Variants in KIRREL1 observed in about 807,000 individuals in gnomAD.
KIRREL1 encodes kin of IRRE-like protein 1.
KIRREL1 carries 25 observed loss-of-function variants against 83.3 expected under a neutral mutation model. That is an observed-to-expected ratio of 0.30 (90% CI 0.22 to 0.42). The LOEUF (loss-of-function observed/expected upper bound fraction) is 0.42. Among genes scored for constraint, KIRREL1 ranks in the 10% least tolerant of loss-of-function variants. KIRREL1 has a pLI of 1.00. For missense variants in KIRREL1, 812 were observed against 1,032.3 expected (o/e 0.79, Z 2.92); for synonymous variants, 388 against 410.4 (o/e 0.95, Z 0.66).
chr1:158,005,835 C>G (rs1659503658), intron 1 of KIRREL1, among the ~76,000 whole-genome samples: 1 of 152,154 alleles, frequency 6.6e-6, no homozygotes, highest in African/African-American at 2.4e-5. Context: ...CTCTCTCCCT[C>G]CCTTCTCTGC....
chr1:158,043,831 G>A (rs1660705534), intron 1 of KIRREL1, among the ~76,000 whole-genome samples: 1 of 152,218 alleles, frequency 6.6e-6, no homozygotes, highest in Non-Finnish European at 1.5e-5. Flanking sequence ...CTCTGTGAGA[G>A]ATGCTTTGAC....
At chr1:158,049,188 GCCAGACAT>G (rs1316834962) in intron 1 of KIRREL1, among the ~76,000 whole-genome samples, 1 of 152,226 alleles carries the variant, frequency 6.6e-6, no homozygotes, top group Non-Finnish European at 1.5e-5. Flanking sequence ...TTTACTAGGA[GCCAGACAT>G]CCTTGGTCAG....
chr1:157,999,311 C>G (rs1349518072), intron 1 of KIRREL1, among the ~76,000 whole-genome samples: 1 of 152,232 alleles, frequency 6.6e-6, no homozygotes, highest in Non-Finnish European at 1.5e-5. Context: ...TGGAAAGCCT[C>G]AATCCTTTTC....
chr1:158,055,173 C>T (rs895600930), intron 1 of KIRREL1, among the ~76,000 whole-genome samples: 3 of 151,972 alleles, frequency 2.0e-5, no homozygotes, highest in East Asian at 3.9e-4. Flanking sequence ...CCTGGGGTTG[C>T]CTAGCTTATT....
At chr1:158,044,550 G>A (rs1660722860) in intron 1 of KIRREL1, among the ~76,000 whole-genome samples, 1 of 152,210 alleles carries the variant, frequency 6.6e-6, no homozygotes, top group South Asian at 2.1e-4. Context: ...CCAGGCTGGA[G>A]TGCAGTGGCA....
Position 158,094,493 on chromosome 1 carries a change from G to C in KIRREL1, c.1797+103G>C, listed in dbSNP as rs1662298435. On this transcript the variant is annotated intron_variant, in intron 14 of 14. Coordinates refer to ENST00000359209, the MANE Select transcript of KIRREL1 (RefSeq NM_018240.7). This position sits in a 1 kb window ranked among gnomAD's most constrained non-coding sequence, Gnocchi z 4.6. ...GGTGAGGACAGACTTGGGGAGGAGT[G>C]GTTGGGAGGGTTTTTGAAGGAGCAG... 3.0e-6 allele frequency: 4 copies of C among 1,334,102 alleles called. No homozygotes were observed. In the East Asian group the frequency reaches 9.3e-5, roughly 31 times the overall value. The allele number at this position is 1,334,102 out of a possible 1,614,324, so 82.6% of individuals were successfully genotyped here.
At chr1:158,018,337 C>T (rs1659895376) in intron 1 of KIRREL1, among the ~76,000 whole-genome samples, 1 of 152,074 alleles carries the variant, frequency 6.6e-6, no homozygotes. Flanking sequence ...AGGGAGTAGG[C>T]AGAGTCAGGG....
chr1:158,058,461 G>A (rs1287177179), intron 1 of KIRREL1, among the ~76,000 whole-genome samples: 1 of 152,154 alleles, frequency 6.6e-6, no homozygotes, highest in Non-Finnish European at 1.5e-5. Flanking sequence ...ACTGAGAAAT[G>A]CCTGGAGGCC....
rs1214860266 is a variant in KIRREL1 at position 158,060,030 on chromosome 1, C to T, written c.53-16083C>T. 2.0e-5 allele frequency among the ~76,000 whole-genome samples: 3 copies of T among 152,104 alleles called. No homozygotes were observed. The East Asian group carries it at 5.8e-4, about 29-fold the overall frequency. Reference sequence around the variant, plus strand: ...AGGTTTCTGTGAAAGTTCCTTCCTCCAAGTCTCTGCTCCTTAATTCTCTCC... The same window carrying T: ...AGGTTTCTGTGAAAGTTCCTTCCTCTAAGTCTCTGCTCCTTAATTCTCTCC... On this transcript the variant is annotated intron_variant, in intron 1 of 14. Transcript: ENST00000359209.
At position 158,094,292 on chromosome 1, in the gene KIRREL1, C is replaced by T; in HGVS notation, c.1720-21C>T. 6.3e-7 allele frequency: 1 copy of T among 1,589,556 alleles called. No homozygotes were observed. The highest frequency in any genetic ancestry group is 8.6e-7 in the Non-Finnish European group (1 of 1,168,634). Reference sequence around the variant, plus strand: ...GAGCAGGGCTTCCGTCTGCTGACGTCCCACTCCTGCTGCTCCACAGTCGTT... The same window carrying T: ...GAGCAGGGCTTCCGTCTGCTGACGTTCCACTCCTGCTGCTCCACAGTCGTT... On this transcript the variant is annotated intron_variant, in intron 13 of 14. Transcript: ENST00000359209. This position sits in a 1 kb window ranked among gnomAD's most constrained non-coding sequence, Gnocchi z 4.6.
chr1:158,086,507 G>T, intron 4 of KIRREL1, 89 bp from the exon 5 acceptor site: 4 of 1,377,138 alleles, frequency 2.9e-6, no homozygotes, highest in Non-Finnish European at 3.0e-6. Flanking sequence ...TACCCCTCCA[G>T]CCCAAGCCCA....
At chr1:158,072,763 C>G (rs1007439152) in intron 1 of KIRREL1, among the ~76,000 whole-genome samples, 7 of 152,036 alleles carry the variant, frequency 4.6e-5, no homozygotes, top group African/African-American at 1.7e-4. Context: ...GGGAAACAGG[C>G]TCTGGACAGT....
intron 11 of KIRREL1, 54 bp from the exon 12 acceptor site, chr1:158,093,285 A>G: frequency 6.9e-7 from 1 of 1,459,474 alleles, no homozygotes; most frequent in Non-Finnish European, 9.6e-7. Flanking sequence ...CACTGAGCTT[A>G]GCTCCCAGTA....
intron 10 of KIRREL1, 34 bp downstream of exon 10, chr1:158,089,852 C>T (rs1297425874): frequency 1.3e-6 from 2 of 1,581,742 alleles, no homozygotes; most frequent in African/African-American, 1.3e-5. Context: ...ACAGCCAGCC[C>T]TCCCTGCTTC....
chr1:158,005,170 G>A (rs558201725), intron 1 of KIRREL1, among the ~76,000 whole-genome samples: 1 of 152,292 alleles, frequency 6.6e-6, no homozygotes, highest in East Asian at 1.9e-4. Context: ...TGAGGTGTTA[G>A]GGGATGCTTT....
At chr1:158,005,645 T>C (rs1488814059) in intron 1 of KIRREL1, among the ~76,000 whole-genome samples, 2 of 152,196 alleles carry the variant, frequency 1.3e-5, no homozygotes, top group Non-Finnish European at 2.9e-5. Flanking sequence ...CTTGACCCTG[T>C]TGGCTTTGGC....
intron 1 of KIRREL1, among the ~76,000 whole-genome samples, chr1:158,026,912 A>G (rs1243823464): frequency 1.3e-5 from 2 of 152,044 alleles, no homozygotes; most frequent in African/African-American, 4.8e-5. Flanking sequence ...TCTGTGACCA[A>G]ATGTGTGGGG....
intron 3 of KIRREL1, among the ~76,000 whole-genome samples, chr1:158,078,660 A>T: frequency 6.7e-6 from 1 of 150,114 alleles, no homozygotes; most frequent in East Asian, 2.0e-4. Context: ...TTCCTCTCAA[A>T]TTCACCTGGG....
At chr1:158,089,667 G>A (rs762018192) in intron 9 of KIRREL1, 39 bp downstream of exon 9, 85 of 1,613,912 alleles carry the variant, frequency 5.3e-5, no homozygotes, top group Middle Eastern at 3.3e-4. Context: ...GCCTGGGCGG[G>A]CTGGTACTGC....
Sources: gnomAD v4.1 joint callset for allele counts (sites outside exome capture counted in the v4.1 genomes callset) on GRCh38, gnomAD v4.1.1 for gene constraint, Gnocchi (gnomAD v3.1) non-coding constraint, MANE v1.5 for transcripts, NCBI Gene and HGNC (gene_info 2026-07-23, HGNC 2026-07-21) for gene names.